The following DENND1A variants were observed in gnomAD, a reference collection of about 807,000 sequenced individuals.
The protein encoded by DENND1A is DENN domain-containing protein 1A.
DENND1A carries 51 observed loss-of-function variants against 113.7 expected under a neutral mutation model. That is an observed-to-expected ratio of 0.45 (90% CI 0.36 to 0.57). DENND1A has a LOEUF of 0.57. DENND1A is among the 20% of genes least tolerant of loss of function. DENND1A has a pLI of 0.00. For missense variants in DENND1A, 1,258 were observed against 1,395.9 expected (o/e 0.90, Z 1.57); for synonymous variants, 565 against 570.8 (o/e 0.99, Z 0.14).
Position 123,428,627 on chromosome 9 carries a change from T to C in DENND1A, c.1488+11733A>G, listed in dbSNP as rs1189224501. On this transcript the variant is annotated intron_variant, in intron 19 of 23. Transcript: ENST00000394215. ...AAGTCAAATTATCTTTATTTGCAGATGACATGATCCTATATATAGAAAACC... is the reference window on the plus strand; with the variant it reads ...AAGTCAAATTATCTTTATTTGCAGACGACATGATCCTATATATAGAAAACC... 5.3e-5 allele frequency among the ~76,000 whole-genome samples: 8 copies of C among 152,230 alleles called. No individual in the cohort carries two copies. In the East Asian group the frequency reaches 1.5e-3, roughly 29 times the overall value.
chr9:123,909,448 C>A (rs540439938), intron 1 of DENND1A, among the ~76,000 whole-genome samples: 2 of 149,744 alleles, frequency 1.3e-5, no homozygotes, highest in Non-Finnish European at 3.0e-5. Context: ...AAATTATAAT[C>A]GTCTCAAGAG....
intron 13 of DENND1A, among the ~76,000 whole-genome samples, chr9:123,498,725 CT>C (rs11449926): frequency 3.9e-4 from 55 of 140,246 alleles, no homozygotes; most frequent in South Asian, 6.8e-4. Context: ...CTCTCTCTCT[CT>C]TTTTTTTTTT....
At chr9:123,389,177 C>T (rs2042717233) in intron 21 of DENND1A, among the ~76,000 whole-genome samples, 1 of 152,260 alleles carries the variant, frequency 6.6e-6, no homozygotes, top group Admixed American at 6.5e-5. Context: ...CCTGTGCCTG[C>T]ACTTTGCTGC....
At chr9:123,921,993 C>T (rs1299097215) in intron 1 of DENND1A, among the ~76,000 whole-genome samples, 1 of 151,464 alleles carries the variant, frequency 6.6e-6, no homozygotes, top group Non-Finnish European at 1.5e-5. Flanking sequence ...GTGATCTTGA[C>T]TCACTGCAAC....
intron 18 of DENND1A, among the ~76,000 whole-genome samples, chr9:123,443,744 C>T (rs1299228581): frequency 6.6e-6 from 1 of 152,178 alleles, no homozygotes. Flanking sequence ...CACTTGAGCC[C>T]AGGAGTTTGA....
intron 5 of DENND1A, among the ~76,000 whole-genome samples, chr9:123,689,996 AAAAGGG>A (rs1218806261): frequency 1.4e-5 from 2 of 147,394 alleles, no homozygotes; most frequent in African/African-American, 4.9e-5. Flanking sequence ...ACCAAAAAAG[AAAAGGG>A]AAAGGGAAAG....
At chr9:123,481,057 T>C (rs1425501406) in intron 13 of DENND1A, among the ~76,000 whole-genome samples, 1 of 152,222 alleles carries the variant, frequency 6.6e-6, no homozygotes, top group Non-Finnish European at 1.5e-5. Context: ...TCTTGTCCAC[T>C]GTCAGTCTTA....
At chr9:123,394,139 G>T (rs1472092541) in intron 21 of DENND1A, among the ~76,000 whole-genome samples, 1 of 152,130 alleles carries the variant, frequency 6.6e-6, no homozygotes, top group Non-Finnish European at 1.5e-5. Flanking sequence ...CTATAGGCAT[G>T]TGCTACCATG....
At chr9:123,825,126 G>C (rs1003650938) in intron 2 of DENND1A, among the ~76,000 whole-genome samples, 1 of 151,944 alleles carries the variant, frequency 6.6e-6, no homozygotes, top group African/African-American at 2.4e-5. Context: ...AAAGAAGAGA[G>C]AGCAATTAAA....
intron 4 of DENND1A, among the ~76,000 whole-genome samples, chr9:123,765,264 C>T (rs1444118728): frequency 6.6e-6 from 1 of 152,118 alleles, no homozygotes; most frequent in Non-Finnish European, 1.5e-5. Context: ...GAGGGTTCTG[C>T]AAGCAGCTAT....
Position 123,440,427 on chromosome 9 carries a change from G to A in DENND1A, c.1421C>T (p.Pro474Leu). The change falls in exon 19 of 24, where the codon CCA (proline) becomes CTA (leucine). Residue 474 changes from proline (P) to leucine (L), a missense_variant. Pro to Leu is a moderately conservative substitution (Grantham distance 98). Coordinates refer to ENST00000394215, the MANE Select transcript of DENND1A (RefSeq NM_001352964.2). The part of the protein sequence containing the change: ...EEQLPKTAPS[P>L]LVEAKDPKLR... ...CTTGGGGTCCTTGGCCTCCACCAGT[G>A]GGGACGGTGCAGTCTTTGGCAGCTG... 1.3e-6 allele frequency: 2 copies of A among 1,588,752 alleles called. No individual in the cohort carries two copies. The highest frequency in any genetic ancestry group is 1.7e-6 in the Non-Finnish European group (2 of 1,171,750).
intron 8 of DENND1A, among the ~76,000 whole-genome samples, chr9:123,665,371 T>C (rs1333575634): frequency 6.6e-6 from 1 of 152,140 alleles, no homozygotes; most frequent in East Asian, 1.9e-4. Flanking sequence ...TAGTACTCAA[T>C]CAACATTAGC....
At chr9:123,399,914 C>G (rs572027885) in intron 21 of DENND1A, among the ~76,000 whole-genome samples, 1 of 152,222 alleles carries the variant, frequency 6.6e-6, no homozygotes, top group Non-Finnish European at 1.5e-5. Context: ...AGCTCCCACT[C>G]GGGAAGAAAC....
At chr9:123,653,446 C>T (rs975191487) in intron 8 of DENND1A, among the ~76,000 whole-genome samples, 14 of 152,188 alleles carry the variant, frequency 9.2e-5, no homozygotes, top group African/African-American at 2.4e-4. Context: ...TACGCTTTCC[C>T]GTACACAACA....
chr9:123,541,766 C>T (rs929512198), intron 13 of DENND1A, among the ~76,000 whole-genome samples: 5 of 152,222 alleles, frequency 3.3e-5, no homozygotes, highest in African/African-American at 1.2e-4. Context: ...AGGAAAGATG[C>T]ACAGAGGACG....
intron 5 of DENND1A, among the ~76,000 whole-genome samples, chr9:123,687,722 GT>G (rs1307129917): frequency 6.6e-6 from 1 of 152,204 alleles, no homozygotes; most frequent in Non-Finnish European, 1.5e-5. Context: ...AAACCGAGGG[GT>G]TTTTAGAGAG....
chr9:123,561,660 T>C (rs1383439011), intron 12 of DENND1A, among the ~76,000 whole-genome samples: 2 of 151,922 alleles, frequency 1.3e-5, no homozygotes, highest in Non-Finnish European at 2.9e-5. Flanking sequence ...GTAATTTGGG[T>C]GTGTTGTAAG....
At chr9:123,775,761 A>G (rs1361084470) in intron 3 of DENND1A, among the ~76,000 whole-genome samples, 1 of 152,196 alleles carries the variant, frequency 6.6e-6, no homozygotes, top group East Asian at 1.9e-4. Flanking sequence ...TCCTGCCACC[A>G]GTCCTTCAAA....
intron 1 of DENND1A, among the ~76,000 whole-genome samples, chr9:123,902,876 G>A (rs1190316483): frequency 6.7e-6 from 1 of 149,056 alleles, no homozygotes. Context: ...AAAAAAAATT[G>A]TAGCCAAAAT....
Sources: gnomAD v4.1 joint callset for allele counts (sites outside exome capture counted in the v4.1 genomes callset) on GRCh38, gnomAD v4.1.1 for gene constraint, MANE v1.5 for transcripts, NCBI Gene and HGNC (gene_info 2026-07-23, HGNC 2026-07-21) for gene names.